The following FREM2 variants were observed in gnomAD, a reference collection of about 807,000 sequenced individuals.
FREM2 encodes the protein FRAS1-related extracellular matrix protein 2.
In FREM2, 119 loss-of-function variants were observed where a neutral mutation model predicts 219.9. That is an observed-to-expected ratio of 0.54 (90% CI 0.47 to 0.63). FREM2 has a LOEUF of 0.63. FREM2 is among the 30% of genes least tolerant of loss of function. The pLI, the probability that FREM2 is intolerant of heterozygous loss-of-function variation, is 0.00. For synonymous variants in FREM2, 1,562 were observed against 1,522.8 expected (o/e 1.03, Z -0.60); for missense variants, 4,030 against 3,993.6 (o/e 1.01, Z -0.25).
In FREM2 at chr13:38,825,298, A is replaced by G. The variant is rs80075613; in HGVS notation, c.6020-21275A>G. Among the ~76,000 whole-genome samples, 1,001 of 152,168 alleles carry G rather than the reference A, an allele frequency of 6.6e-3. 6 individuals carry two copies. Among genetic ancestry groups the G allele is most frequent in the African/African-American group, 0.022 (908 of 41,536 alleles). ...CTGATCCATAATAGGTGTTCAAAAA[A>G]CAGATAATAAATTGGTGGTTAAATG... On this transcript the variant is annotated intron_variant, in intron 6 of 23. Transcript: ENST00000280481.
chr13:38,842,149 G>T (rs910736383), intron 6 of FREM2, among the ~76,000 whole-genome samples: 1 of 152,194 alleles, frequency 6.6e-6, no homozygotes, highest in Non-Finnish European at 1.5e-5. Flanking sequence ...TTGTTTAGTA[G>T]AAAAGGGGCT....
intron 2 of FREM2, among the ~76,000 whole-genome samples, chr13:38,706,224 G>C (rs1306450196): frequency 6.6e-6 from 1 of 152,034 alleles, no homozygotes; most frequent in African/African-American, 2.4e-5. Context: ...CGAAACATCT[G>C]GGTTTAGCAA....
At chr13:38,813,998 A>T (rs1875652047) in intron 6 of FREM2, among the ~76,000 whole-genome samples, 1 of 152,034 alleles carries the variant, frequency 6.6e-6, no homozygotes, top group African/African-American at 2.4e-5. Context: ...TGCATTCTTC[A>T]TGATGTCGCC....
chr13:38,877,110 G>C lies in FREM2; in HGVS notation c.8545-7G>C. ...ATGCATAAAAGAACTTTTACCTTTG[G>C]TTTTAGGTCAGTGATCCAGTGGCTG... On this transcript the variant is annotated splice_region_variant and splice_polypyrimidine_tract_variant and intron_variant, in intron 20 of 23. Transcript: ENST00000280481. The C allele has an allele frequency of 6.2e-7, 1 of 1,614,018 alleles. No individual in the cohort carries two copies.
At chr13:38,742,526 C>G (rs1593378450) in intron 2 of FREM2, among the ~76,000 whole-genome samples, 1 of 152,184 alleles carries the variant, frequency 6.6e-6, no homozygotes, top group Non-Finnish European at 1.5e-5. Context: ...ATGATGATTT[C>G]AAATATGACG....
At chr13:38,775,183 A>G (rs972007808) in intron 4 of FREM2, among the ~76,000 whole-genome samples, 1 of 152,242 alleles carries the variant, frequency 6.6e-6, no homozygotes, top group African/African-American at 2.4e-5. Flanking sequence ...GGCTGACTAC[A>G]ATATGAAACT....
intron 21 of FREM2, 35 bp from the exon 22 acceptor site, chr13:38,878,099 A>G (rs767111847): frequency 3.9e-6 from 6 of 1,555,646 alleles, no homozygotes; most frequent in Non-Finnish European, 5.3e-6. Flanking sequence ...ACCTTATCAT[A>G]TAACAGAAAT....
intron 1 of FREM2, among the ~76,000 whole-genome samples, 176 bp from the exon 2 acceptor site, chr13:38,697,515 TCCATGGG>T (rs1870160842): frequency 6.6e-6 from 1 of 152,164 alleles, no homozygotes; most frequent in Admixed American, 6.5e-5. Flanking sequence ...GGATCAGGTG[TCCATGGG>T]ACAGCTGAAA....
intron 2 of FREM2, among the ~76,000 whole-genome samples, chr13:38,701,903 T>C (rs1290697987): frequency 6.6e-6 from 1 of 152,066 alleles, no homozygotes; most frequent in Non-Finnish European, 1.5e-5. Context: ...CTCCTTCATA[T>C]CAAAAAAGGT....
chr13:38,878,596 C>T (rs1309967838), intron 22 of FREM2, among the ~76,000 whole-genome samples: 3 of 151,646 alleles, frequency 2.0e-5, no homozygotes, highest in Admixed American at 1.3e-4. Flanking sequence ...GGGAAGATTG[C>T]TTAAGTCAGG....
chr13:38,687,839 G>T lies in FREM2; in HGVS notation c.495G>T (p.Val165=). 6.4e-7 allele frequency: 1 copy of T among 1,558,178 alleles called. No individual in the cohort carries two copies. Among genetic ancestry groups the T allele is most frequent in the South Asian group, 1.2e-5 (1 of 82,616 alleles). Residue 165 remains valine (V), a synonymous_variant, in exon 1 of 24, where the codon GTG becomes GTT. Coordinates refer to ENST00000280481, the MANE Select transcript of FREM2 (RefSeq NM_207361.6). ...ATGACGCGCCCGGAGGGGCAGTAGT[G>T]CTACCACTGGTACTGGAGGTGGAGG... is the stretch of plus-strand genomic sequence containing the variant. ...LRYDAPGGAV[V]LPLVLEVEVV...
intron 6 of FREM2, among the ~76,000 whole-genome samples, chr13:38,792,868 A>C (rs563443248): frequency 3.4e-4 from 52 of 152,282 alleles, no homozygotes; most frequent in African/African-American, 1.2e-3. Context: ...GTAGACAATA[A>C]ATTTACCTGA....
intron 2 of FREM2, among the ~76,000 whole-genome samples, chr13:38,761,990 G>A (rs2137806633): frequency 6.6e-6 from 1 of 152,312 alleles, no homozygotes; most frequent in Non-Finnish European, 1.5e-5. Flanking sequence ...GGAGAAAGGA[G>A]CACAGGTGGG....
rs1355390532 is a variant in FREM2, at chr13:38,864,454, C to T, written c.7831C>T (p.Pro2611Ser). The T allele has an allele frequency of 6.2e-7, 1 of 1,614,048 alleles. No individual in the cohort carries two copies. The highest frequency in any genetic ancestry group is 8.5e-7 in the Non-Finnish European group (1 of 1,180,034). Reference sequence around the variant, plus strand: ...TCCAGAAATAATTGGAGAGACATATCCTTACCAGTACAGCTTGTCCATCAG... The same window carrying T: ...TCCAGAAATAATTGGAGAGACATATTCTTACCAGTACAGCTTGTCCATCAG... The part of the protein sequence containing the change: ...KNPEIIGETY[P>S]YQYSLSIRGS... The change falls in exon 16 of 24, where the codon CCT (proline) becomes TCT (serine). Residue 2611 changes from proline (P) to serine (S), a missense_variant. By Grantham distance (74) the Pro-to-Ser change is moderately conservative. This residue lies in a region of FREM2 where 928 missense variants were observed against 1,042.9 expected (regional missense o/e 0.89). Transcript: ENST00000280481.
intron 6 of FREM2, among the ~76,000 whole-genome samples, chr13:38,812,065 T>G (rs1183831581): frequency 1.3e-5 from 2 of 152,234 alleles, no homozygotes; most frequent in African/African-American, 2.4e-5. Flanking sequence ...TTGTCTTTTC[T>G]TGCAGTTTTT....
chr13:38,813,217 C>G (rs1352310577), intron 6 of FREM2, among the ~76,000 whole-genome samples: 1 of 151,980 alleles, frequency 6.6e-6, no homozygotes, highest in Non-Finnish European at 1.5e-5. Flanking sequence ...ATTGAAGAAC[C>G]TCCTTTAGCA....
rs1227708897 is a variant in FREM2, at chr13:38,687,546, G to A, written c.202G>A (p.Ala68Thr). The change falls in exon 1 of 24, where the codon GCT becomes ACT. Residue 68 changes from alanine to threonine, a missense_variant. Physicochemically the swap from Ala to Thr is moderately conservative, Grantham distance 58. This residue lies in a region of FREM2 where 3,102 missense variants were observed against 2,950.7 expected (regional missense o/e 1.05). Coordinates refer to ENST00000280481, the MANE Select transcript of FREM2 (RefSeq NM_207361.6). Reference protein sequence around the residue: ...PGLAGAAGVPAEEAIVLANRG... With the variant: ...PGLAGAAGVPTEEAIVLANRG... Reference sequence around the variant, plus strand: ...TCTCGCGGGGGCTGCAGGGGTCCCTGCTGAGGAGGCCATAGTGCTGGCGAA... The same window carrying A: ...TCTCGCGGGGGCTGCAGGGGTCCCTACTGAGGAGGCCATAGTGCTGGCGAA... The A allele has an allele frequency of 1.2e-6, 2 of 1,601,658 alleles. No homozygotes were observed. The highest frequency in any genetic ancestry group is 1.3e-5 in the African/African-American group (1 of 74,836).
chr13:38,774,479 T>C (rs1237535836), intron 4 of FREM2, among the ~76,000 whole-genome samples: 1 of 152,088 alleles, frequency 6.6e-6, no homozygotes, highest in Non-Finnish European at 1.5e-5. Flanking sequence ...CGTGCTCTGA[T>C]AAAAGAGCAA....
Position 38,692,243 on chromosome 13 carries a change from T to G in FREM2, c.4899T>G (p.Asp1633Glu). ...GTHTDFYVFPDTVFETRRPQV... is the reference protein window; with the variant it reads ...GTHTDFYVFPETVFETRRPQV... ...ATACAGACTTCTATGTTTTTCCTGA[T>G]ACGGTGTTTGAAACAAGGAGACCCC... The change falls in exon 1 of 24, where the codon GAT (aspartate) becomes GAG (glutamate). Residue 1633 changes from aspartate to glutamate, a missense_variant. Physicochemically the swap from Asp to Glu is conservative, Grantham distance 45. Coordinates refer to ENST00000280481, the MANE Select transcript of FREM2 (RefSeq NM_207361.6). 6.2e-7 allele frequency: 1 copy of G among 1,614,178 alleles called. No homozygotes were observed. The highest frequency in any genetic ancestry group is 1.6e-4 in the Middle Eastern group (1 of 6,062).
Sources: gnomAD v4.1 joint callset for allele counts (sites outside exome capture counted in the v4.1 genomes callset) on GRCh38, gnomAD v4.1.1 for gene constraint, gnomAD v4.1.1 regional missense constraint, MANE v1.5 for transcripts, NCBI Gene and HGNC (gene_info 2026-07-23, HGNC 2026-07-21) for gene names.